The following ZNF483 variants were observed in gnomAD, a reference collection of about 807,000 sequenced individuals.
ZNF483 encodes the protein zinc finger protein 483.
ZNF483 carries 9 observed loss-of-function variants against 28.6 expected under a neutral mutation model. That is an observed-to-expected ratio of 0.32 (90% CI 0.19 to 0.55). The LOEUF (loss-of-function observed/expected upper bound fraction) is 0.55. ZNF483 is among the 20% of genes least tolerant of loss of function. The pLI, the probability that ZNF483 is intolerant of heterozygous loss-of-function variation, is 0.93. For synonymous variants in ZNF483, 322 were observed against 306.2 expected (o/e 1.05, Z -0.54); for missense variants, 675 against 871.7 (o/e 0.77, Z 2.84).
chr9:111,531,216 G>A (rs187518725), intron 3 of ZNF483, among the ~76,000 whole-genome samples: 116 of 151,854 alleles, frequency 7.6e-4, no homozygotes, highest in African/African-American at 2.8e-3. Flanking sequence ...TAGAATAAAT[G>A]TAATCTCCCT....
chr9:111,570,071 G>A (rs748101500), intron 5 of ZNF483: 33 of 1,613,736 alleles, frequency 2.0e-5, no homozygotes, highest in Non-Finnish European at 2.7e-5. Flanking sequence ...ATTGGAAGGG[G>A]TGGCTCCGGA....
At chr9:111,569,130 C>T (rs1265861263) in intron 5 of ZNF483, among the ~76,000 whole-genome samples, 1 of 152,104 alleles carries the variant, frequency 6.6e-6, no homozygotes, top group Non-Finnish European at 1.5e-5. Flanking sequence ...ATCAGGCATC[C>T]AGGTGGACAT....
chr9:111,534,346 C>T lies in ZNF483; in HGVS notation c.714C>T (p.Ser238=). The part of the protein sequence containing the change: ...PWLLEEVSKS[S]RLDESALDKI... ...TGCTGGAAGAAGTCTCAAAAAGCTCCCGACTAGGTGAGTTGGTGAAAAATA... is the reference window on the plus strand; with the variant it reads ...TGCTGGAAGAAGTCTCAAAAAGCTCTCGACTAGGTGAGTTGGTGAAAAATA... The change falls in exon 5 of 6, where the codon TCC becomes TCT. Residue 238 remains serine (S), a synonymous_variant. Coordinates refer to ENST00000309235, the MANE Select transcript of ZNF483 (RefSeq NM_133464.5). 1 of 1,613,848 alleles carries T rather than the reference C, an allele frequency of 6.2e-7. No individual in the cohort carries two copies. The highest frequency in any genetic ancestry group is 8.5e-7 in the Non-Finnish European group (1 of 1,179,784).
intron 5 of ZNF483, among the ~76,000 whole-genome samples, chr9:111,561,936 A>C (rs1024175010): frequency 2.6e-5 from 4 of 152,088 alleles, no homozygotes; most frequent in African/African-American, 9.7e-5. Flanking sequence ...CCCAGGCTGG[A>C]GTGCAATGGC....
chr9:111,567,929 C>G (rs989993778), intron 5 of ZNF483, among the ~76,000 whole-genome samples: 1 of 152,194 alleles, frequency 6.6e-6, no homozygotes, highest in African/African-American at 2.4e-5. Flanking sequence ...TTTATAATTT[C>G]TTACGCCTGT....
intron 5 of ZNF483, among the ~76,000 whole-genome samples, chr9:111,539,275 G>T (rs1322175353): frequency 6.6e-6 from 1 of 152,190 alleles, no homozygotes; most frequent in Non-Finnish European, 1.5e-5. Flanking sequence ...ACAATGCAGT[G>T]TACATGTAAA....
downstream of ZNF483, among the ~76,000 whole-genome samples, chr9:111,556,313 G>C (rs530247275): frequency 2.0e-5 from 3 of 152,374 alleles, no homozygotes; most frequent in East Asian, 5.8e-4. Context: ...CTCAAGGCCT[G>C]TTGAGTGCCT....
intron 5 of ZNF483, among the ~76,000 whole-genome samples, chr9:111,541,413 T>C (rs1827667936): frequency 6.6e-6 from 1 of 152,168 alleles, no homozygotes; most frequent in African/African-American, 2.4e-5. Context: ...AAATTCAAAA[T>C]GAGGGTGAGA....
intron 5 of ZNF483, chr9:111,539,888 G>C (rs1375134828): frequency 6.4e-6 from 1 of 156,598 alleles, no homozygotes; most frequent in African/African-American, 2.4e-5. Context: ...CCAGCACTTT[G>C]GGAGGCTGTG....
intron 2 of ZNF483, among the ~76,000 whole-genome samples, chr9:111,528,446 T>G (rs1827234205): frequency 1.3e-5 from 2 of 152,200 alleles, no homozygotes; most frequent in African/African-American, 4.8e-5. Context: ...GTATAAACTA[T>G]AAACTGAATT....
rs1827878551 is a variant in ZNF483, at chr9:111,549,549, C to T, written c.*6379C>T. The stretch of plus-strand genomic sequence containing the variant: ...AGAGGTTCTTCCAGGTTGGAGTTCT[C>T]AGGTCTGTCTCCCTTGTAGATTATC... On this transcript the variant is annotated 3_prime_UTR_variant, in exon 6 of 6. Coordinates refer to ENST00000309235, the MANE Select transcript of ZNF483 (RefSeq NM_133464.5). Among the ~76,000 whole-genome samples the T allele has an allele frequency of 6.6e-6, 1 of 152,136 alleles. No homozygotes were observed. Among genetic ancestry groups the T allele is most frequent in the Non-Finnish European group, 1.5e-5 (1 of 68,032 alleles).
chr9:111,564,922 G>A (rs1157697863), intron 5 of ZNF483, among the ~76,000 whole-genome samples: 2 of 151,906 alleles, frequency 1.3e-5, no homozygotes, highest in Non-Finnish European at 1.5e-5. Context: ...TCAGGAGTTC[G>A]AGACCAGCCT....
In ZNF483 at chr9:111,551,024, G is replaced by T. The variant is rs1292405623; in HGVS notation, c.*7854G>T. 1.3e-5 allele frequency among the ~76,000 whole-genome samples: 2 copies of T among 152,096 alleles called. No homozygotes were observed. Among genetic ancestry groups the T allele is most frequent in the Non-Finnish European group, 2.9e-5 (2 of 68,026 alleles). On this transcript the variant is annotated 3_prime_UTR_variant, in exon 6 of 6. Coordinates refer to ENST00000309235, the MANE Select transcript of ZNF483 (RefSeq NM_133464.5). ...AAAAAGCTGATTGGAAGGTGTTTTA[G>T]GTACTTCAGCACCATCCAACAGTAA...
At chr9:111,561,408 T>C (rs1382266955) in intron 5 of ZNF483, among the ~76,000 whole-genome samples, 1 of 152,046 alleles carries the variant, frequency 6.6e-6, no homozygotes, top group African/African-American at 2.4e-5. Context: ...CCCAAGTAGC[T>C]GGGACTATAG....
rs777236607 is a variant in ZNF483 at position 111,545,223 on chromosome 9, T to C, written c.*2053T>C. On this transcript the variant is annotated 3_prime_UTR_variant, in exon 6 of 6. Transcript: ENST00000309235. Reference sequence around the variant, plus strand: ...TCATTCATAATGGTTTTAAGTTTTTTTCTGAAAAGACAGAAAACTTGTTGT... The same window carrying C: ...TCATTCATAATGGTTTTAAGTTTTTCTCTGAAAAGACAGAAAACTTGTTGT... Among the ~76,000 whole-genome samples the C allele has an allele frequency of 2.6e-5, 4 of 152,200 alleles. No homozygotes were observed. Among genetic ancestry groups the C allele is most frequent in the Non-Finnish European group, 5.9e-5 (4 of 68,022 alleles).
At position 111,546,076 on chromosome 9, in the gene ZNF483, T is replaced by G. The variant is rs1413760314; in HGVS notation, c.*2906T>G. 6.6e-6 allele frequency among the ~76,000 whole-genome samples: 1 copy of G among 152,218 alleles called. No individual in the cohort carries two copies. The highest frequency in any genetic ancestry group is 1.9e-4 in the East Asian group (1 of 5,204). The stretch of plus-strand genomic sequence containing the variant: ...AGTCTTGCCAGTCATTGTTGTCTGT[T>G]TTTTAAAAATTATGCCCATCCTAGC... On this transcript the variant is annotated 3_prime_UTR_variant, in exon 6 of 6. Coordinates refer to ENST00000309235, the MANE Select transcript of ZNF483 (RefSeq NM_133464.5).
chr9:111,531,577 A>G (rs10980927), intron 3 of ZNF483, among the ~76,000 whole-genome samples: 23,200 of 151,980 alleles, frequency 0.15, 2,334 homozygotes, highest in African/African-American at 0.27. Context: ...GGGTTTCACC[A>G]TGTTGGCCAG....
intron 5 of ZNF483, among the ~76,000 whole-genome samples, chr9:111,534,940 G>C (rs1464254970): frequency 1.3e-5 from 2 of 151,992 alleles, no homozygotes; most frequent in Admixed American, 1.3e-4. Flanking sequence ...GTCCAGGCTA[G>C]TCTTGAACTC....
At chr9:111,562,886 A>G (rs1223651886) in intron 5 of ZNF483, 3 of 1,217,360 alleles carry the variant, frequency 2.5e-6, no homozygotes, top group African/African-American at 3.1e-5. Context: ...ATTATTTTCT[A>G]CCACAACTCA....
Sources: gnomAD v4.1 joint callset for allele counts (sites outside exome capture counted in the v4.1 genomes callset) on GRCh38, gnomAD v4.1.1 for gene constraint, MANE v1.5 for transcripts, NCBI Gene and HGNC (gene_info 2026-07-23, HGNC 2026-07-21) for gene names.